The following ZBTB32 variants were observed in gnomAD, a reference collection of about 807,000 sequenced individuals.
The protein encoded by ZBTB32 is zinc finger and BTB domain containing 32.
ZBTB32 carries 28 observed loss-of-function variants against 45.3 expected under a neutral mutation model. That is an observed-to-expected ratio of 0.62 (90% CI 0.46 to 0.85). The LOEUF (loss-of-function observed/expected upper bound fraction) is 0.85. Ranked by LOEUF, ZBTB32 falls within the 40% of genes least tolerant of loss-of-function variation. ZBTB32 has a pLI of 0.00. For synonymous variants in ZBTB32, 283 were observed against 255.7 expected (o/e 1.11, Z -1.02); for missense variants, 587 against 624.4 (o/e 0.94, Z 0.64).
intron 1 of ZBTB32, among the ~76,000 whole-genome samples, chr19:35,712,206 A>T (rs1968721352): frequency 6.6e-6 from 1 of 152,130 alleles, no homozygotes; most frequent in Non-Finnish European, 1.5e-5. Context: ...TCACGCCTAT[A>T]ATCCCAGCAC....
At chr19:35,713,813 T>C (rs1968771800) in intron 2 of ZBTB32, among the ~76,000 whole-genome samples, 1 of 152,264 alleles carries the variant, frequency 6.6e-6, no homozygotes, top group Non-Finnish European at 1.5e-5. Flanking sequence ...ACAGCCTCCC[T>C]GTCTCCAGTC....
chr19:35,716,324 T>C (rs1968893633), intron 6 of ZBTB32, 27 bp downstream of exon 6: 1 of 1,612,536 alleles, frequency 6.2e-7, no homozygotes, highest in Non-Finnish European at 8.5e-7. Context: ...CTGTGTGAAC[T>C]GTCGGCTTTC....
chr19:35,712,155 A>G (rs1968719566), intron 1 of ZBTB32, among the ~76,000 whole-genome samples: 1 of 151,664 alleles, frequency 6.6e-6, no homozygotes. Context: ...AATATACGCC[A>G]GGCACATATC....
intron 1 of ZBTB32, among the ~76,000 whole-genome samples, chr19:35,708,065 T>A (rs1968593653): frequency 6.6e-6 from 1 of 152,188 alleles, no homozygotes; most frequent in African/African-American, 2.4e-5. Context: ...TGGAATAAAG[T>A]AGGTTCCTAT....
Position 35,716,551 on chromosome 19 carries a change from G to A in ZBTB32, c.1263G>A (p.Arg421=). The A allele has an allele frequency of 1.2e-6, 2 of 1,612,968 alleles. No individual in the cohort carries two copies. The highest frequency in any genetic ancestry group is 1.7e-6 in the Non-Finnish European group (2 of 1,179,660). Reference sequence around the variant, plus strand: ...TCTCGGCCATGACCAAGCACCTGCGGACACACGGGGCCGCTCCGTACCGCT... The same window carrying A: ...TCTCGGCCATGACCAAGCACCTGCGAACACACGGGGCCGCTCCGTACCGCT... ...RDFSAMTKHL[R]THGAAPYRCS... is the part of the protein sequence containing the mutation. Residue 421 remains arginine, a synonymous_variant, in exon 7 of 7, where the codon CGG becomes CGA. Coordinates refer to ENST00000392197, the MANE Select transcript of ZBTB32 (RefSeq NM_014383.3).
chr19:35,708,266 G>T (rs1281801248), intron 1 of ZBTB32, among the ~76,000 whole-genome samples: 1 of 152,138 alleles, frequency 6.6e-6, no homozygotes, highest in East Asian at 1.9e-4. Context: ...ATACAGGCCT[G>T]GGGTTGAGTC....
intron 1 of ZBTB32, among the ~76,000 whole-genome samples, chr19:35,708,822 CTTTTTTT>C (rs560022559): frequency 4.9e-5 from 7 of 142,180 alleles, no homozygotes; most frequent in African/African-American, 1.3e-4. Flanking sequence ...TTTCTTTTTT[CTTTTTTT>C]TTTTTTGAGA....
At chr19:35,711,750 C>T (rs187108955) in intron 1 of ZBTB32, among the ~76,000 whole-genome samples, 2 of 152,180 alleles carry the variant, frequency 1.3e-5, no homozygotes, top group Non-Finnish European at 1.5e-5. Context: ...TTAAGAGAAG[C>T]CTATGGGAGG....
Position 35,714,867 on chromosome 19 carries a change from G to A in ZBTB32, c.241G>A (p.Glu81Lys). Reference sequence around the variant, plus strand: ...CCAGCTCCTGAACTTTGTGTATGGGGAGAGTGTAGAGCTGCAGCCTGGAGA... The same window carrying A: ...CCAGCTCCTGAACTTTGTGTATGGGAAGAGTGTAGAGCTGCAGCCTGGAGA... ...FAQLLNFVYG[E>K]SVELQPGELR... Residue 81 changes from glutamate to lysine, a missense_variant, in exon 3 of 7, where the codon GAG becomes AAG. Physicochemically the swap from Glu to Lys is moderately conservative, Grantham distance 56. Transcript: ENST00000392197. 6.2e-7 allele frequency: 1 copy of A among 1,608,302 alleles called. No individual in the cohort carries two copies. Among genetic ancestry groups the A allele is most frequent in the Non-Finnish European group, 8.5e-7 (1 of 1,176,868 alleles).
chr19:35,716,132 G>T lies in ZBTB32; in HGVS notation c.1025-1G>T. 1 of 1,613,602 alleles carries T rather than the reference G, an allele frequency of 6.2e-7. No individual in the cohort carries two copies. The highest frequency in any genetic ancestry group is 8.5e-7 in the Non-Finnish European group (1 of 1,179,858). On this transcript the variant is annotated splice_acceptor_variant, in intron 5 of 6. Transcript: ENST00000392197. LOFTEE classifies it high-confidence loss of function. ...CTCCTTTGCCTTCTCTGTCCCCACAGGCGCACTTGCAACCTGTGCGGGTCA... is the reference window on the plus strand; with the variant it reads ...CTCCTTTGCCTTCTCTGTCCCCACATGCGCACTTGCAACCTGTGCGGGTCA...
In ZBTB32 at chr19:35,713,031, G is replaced by A. The variant is rs1194838111; in HGVS notation, c.-107G>A. 1 of 152,234 alleles carries A rather than the reference G, an allele frequency of 6.6e-6. No homozygotes were observed. Among genetic ancestry groups the A allele is most frequent in the Non-Finnish European group, 1.5e-5 (1 of 68,044 alleles). 9.4% of individuals were successfully genotyped at this position (152,234 alleles called of 1,614,324 possible). A position where few individuals can be genotyped will look rare whatever the true frequency, so the allele number is the denominator to read the frequency against. On this transcript the variant is annotated splice_region_variant and 5_prime_UTR_variant, in exon 2 of 7. It removes an upstream start codon present in the reference 5' UTR. Coordinates refer to ENST00000392197, the MANE Select transcript of ZBTB32 (RefSeq NM_014383.3). ...TTCATCTTCACCCCCACCTCCAAAT[G>A]AGGTAAGCAGATATTATGCCTATTT... is the stretch of plus-strand genomic sequence containing the variant.
rs985272128 is a variant in ZBTB32 at position 35,715,423 on chromosome 19, T to A, written c.797T>A (p.Leu266Gln). 1 of 1,601,080 alleles carries A rather than the reference T, an allele frequency of 6.2e-7. No individual in the cohort carries two copies. Among genetic ancestry groups the A allele is most frequent in the African/African-American group, 1.4e-5 (1 of 73,980 alleles). The change falls in exon 3 of 7, where the codon CTG (leucine) becomes CAG (glutamine). Residue 266 changes from leucine to glutamine, a missense_variant. Transcript: ENST00000392197. Reference sequence around the variant, plus strand: ...GGCCAGCCTGCCCTGTGGAGCATCCTGCTGATGCCGCCCAGATATGGCATT... The same window carrying A: ...GGCCAGCCTGCCCTGTGGAGCATCCAGCTGATGCCGCCCAGATATGGCATT... ...VGGQPALWSI[L>Q]LMPPRYGIPF...
chr19:35,716,137 ACTTGCAACC>A lies in ZBTB32; in HGVS notation c.1030_1038del (p.Leu344_Thr346del). Reference sequence around the variant, plus strand: ...TTGCCTTCTCTGTCCCCACAGGCGCACTTGCAACCTGTGCGGGTCATGAGGACAAGGCAG... The same window carrying A: ...TTGCCTTCTCTGTCCCCACAGGCGCATGTGCGGGTCATGAGGACAAGGCAG... On this transcript the variant is annotated inframe_deletion, in exon 6 of 7. Transcript: ENST00000392197. The A allele has an allele frequency of 1.9e-6, 3 of 1,613,552 alleles. No individual in the cohort carries two copies. Among genetic ancestry groups the A allele is most frequent in the Non-Finnish European group, 2.5e-6 (3 of 1,179,876 alleles).
chr19:35,715,444 G>T lies in ZBTB32; in HGVS notation c.818G>T (p.Gly273Val). The change falls in exon 3 of 7, where the codon GGC becomes GTC. Residue 273 changes from glycine to valine, a missense_variant. Coordinates refer to ENST00000392197, the MANE Select transcript of ZBTB32 (RefSeq NM_014383.3). ...WSILLMPPRY[G>V]IPFYHSTPTT... ...ATCCTGCTGATGCCGCCCAGATATG[G>T]CATTCCCTTCTACCATAGCACCCCC... The T allele has an allele frequency of 6.3e-7, 1 of 1,591,294 alleles. No homozygotes were observed.
At chr19:35,707,474 A>T (rs1278151842) in intron 1 of ZBTB32, among the ~76,000 whole-genome samples, 1 of 150,850 alleles carries the variant, frequency 6.6e-6, no homozygotes, top group Non-Finnish European at 1.5e-5. Context: ...GGTTTAAGCA[A>T]TTCTCCTGCC....
intron 3 of ZBTB32, 70 bp from the exon 4 acceptor site, chr19:35,715,687 C>A (rs2234369): frequency 1.3e-6 from 2 of 1,522,324 alleles, no homozygotes; most frequent in African/African-American, 1.4e-5. Context: ...ACTTGGGATA[C>A]CCCCTCTTCA....
intron 1 of ZBTB32, among the ~76,000 whole-genome samples, chr19:35,711,640 G>A (rs1225126616): frequency 6.6e-6 from 1 of 152,104 alleles, no homozygotes; most frequent in Non-Finnish European, 1.5e-5. Flanking sequence ...GTGGGAGGCT[G>A]GTCTGAACAT....
At position 35,716,482 on chromosome 19, in the gene ZBTB32, G is replaced by A. The variant is rs1371575286; in HGVS notation, c.1194G>A (p.Glu398=). Reference sequence around the variant, plus strand: ...CTCCCCTTCCGACCGCTCTAGGAGAGAAGCCCTTCTCCTGTAGCCTTTGTC... The same window carrying A: ...CTCCCCTTCCGACCGCTCTAGGAGAAAAGCCCTTCTCCTGTAGCCTTTGTC... ...METHYRVHTG[E]KPFSCSLCPQ... is the part of the protein sequence containing the mutation. The change falls in exon 7 of 7, where the codon GAG becomes GAA. Residue 398 remains glutamate (E), a synonymous_variant. Transcript: ENST00000392197. 2 of 1,604,658 alleles carry A rather than the reference G, an allele frequency of 1.2e-6. No individual in the cohort carries two copies. The highest frequency in any genetic ancestry group is 1.1e-5 in the South Asian group (1 of 90,740).
At position 35,715,813 on chromosome 19, in the gene ZBTB32, C is replaced by T. The variant is rs754233028; in HGVS notation, c.938C>T (p.Ser313Phe). 6.2e-7 allele frequency: 1 copy of T among 1,613,878 alleles called. No homozygotes were observed. The highest frequency in any genetic ancestry group is 2.2e-5 in the East Asian group (1 of 44,878). Residue 313 changes from serine to phenylalanine, a missense_variant, in exon 4 of 7, where the codon TCC (serine) becomes TTC (phenylalanine). Transcript: ENST00000392197. ...KGLWSQNQLA[S>F]SSPTPGSLPQ... Reference sequence around the variant, plus strand: ...CTCTGGAGCCAGAACCAGTTGGCCTCCTCCAGCCCTACCCCAGGTAAGCCC... The same window carrying T: ...CTCTGGAGCCAGAACCAGTTGGCCTTCTCCAGCCCTACCCCAGGTAAGCCC...
Sources: gnomAD v4.1 joint callset for allele counts (sites outside exome capture counted in the v4.1 genomes callset) on GRCh38, gnomAD v4.1.1 for gene constraint, MANE v1.5 for transcripts, NCBI Gene and HGNC (gene_info 2026-07-23, HGNC 2026-07-21) for gene names.